Variants in SHANK2 observed in about 807,000 individuals in gnomAD.
The protein encoded by SHANK2 is SH3 and multiple ankyrin repeat domains protein 2.
Under a neutral mutation model 133.7 loss-of-function variants are expected in SHANK2, and 43 were observed. That is an observed-to-expected ratio of 0.32 (90% confidence interval 0.25 to 0.41). The LOEUF is 0.41. Among genes scored for constraint, SHANK2 ranks in the 10% least tolerant of loss-of-function variants. The pLI, the probability that SHANK2 is intolerant of heterozygous loss-of-function variation, is 1.00. For missense variants in SHANK2, 1,994 were observed against 2,235.8 expected (o/e 0.89, Z 2.18); for synonymous variants, 1,017 against 952.8 (o/e 1.07, Z -1.24).
chr11:71,073,532 T>C (rs1951177586), intron 9 of SHANK2, among the ~76,000 whole-genome samples: 1 of 151,876 alleles, frequency 6.6e-6, no homozygotes, highest in Non-Finnish European at 1.5e-5. Context: ...AGTGGCATGA[T>C]CTTGGCTTGT....
intron 17 of SHANK2, among the ~76,000 whole-genome samples, chr11:70,626,607 C>T (rs1005737603): frequency 2.0e-5 from 3 of 152,208 alleles, no homozygotes; most frequent in African/African-American, 4.8e-5. Flanking sequence ...ATCCCACAAC[C>T]GCCGAGTGGC....
Position 70,586,597 on chromosome 11 carries a change from G to A in SHANK2, c.2061+73231C>T, listed in dbSNP as rs538749842. 5.9e-5 allele frequency among the ~76,000 whole-genome samples: 9 copies of A among 152,346 alleles called. No individual in the cohort carries two copies. In the East Asian group the frequency reaches 9.7e-4, roughly 16 times the overall value. On this transcript the variant is annotated intron_variant, in intron 17 of 25. Transcript: ENST00000601538. Reference sequence around the variant, plus strand: ...CTGGCCAAGGGGCACATGCTGGGACGCAGACTCTCAGTACAGATCGCCAGC... The same window carrying A: ...CTGGCCAAGGGGCACATGCTGGGACACAGACTCTCAGTACAGATCGCCAGC...
intron 1 of SHANK2, among the ~76,000 whole-genome samples, chr11:71,227,271 AAGAC>A (rs1458979524): frequency 6.6e-6 from 1 of 152,182 alleles, no homozygotes; most frequent in Non-Finnish European, 1.5e-5. Flanking sequence ...TACCAGTTAA[AAGAC>A]AGAGATTGGC....
chr11:70,793,287 A>G (rs1219186226), intron 14 of SHANK2, among the ~76,000 whole-genome samples: 1 of 152,226 alleles, frequency 6.6e-6, no homozygotes, highest in Non-Finnish European at 1.5e-5. Context: ...CTGACTTCAC[A>G]TACACAGGTT....
intron 17 of SHANK2, among the ~76,000 whole-genome samples, chr11:70,549,883 C>T (rs1343803062): frequency 2.6e-5 from 4 of 152,350 alleles, no homozygotes; most frequent in East Asian, 3.9e-4. Context: ...AAAGACACAG[C>T]GAAGCTCCGG....
intron 11 of SHANK2, among the ~76,000 whole-genome samples, chr11:70,880,707 A>G (rs1454024139): frequency 3.9e-5 from 6 of 152,190 alleles, no homozygotes; most frequent in African/African-American, 1.4e-4. Context: ...GTCTGCTCCC[A>G]TCAGTCTGTG....
At chr11:70,531,390 C>T (rs1197763878) in intron 17 of SHANK2, among the ~76,000 whole-genome samples, 4 of 152,310 alleles carry the variant, frequency 2.6e-5, no homozygotes, top group East Asian at 1.9e-4. Context: ...TGCACCCACG[C>T]GCCCGGGGGC....
intron 10 of SHANK2, among the ~76,000 whole-genome samples, chr11:70,935,087 C>CA (rs1392331577): frequency 1.2e-3 from 180 of 151,484 alleles, no homozygotes; most frequent in African/African-American, 3.1e-3. Context: ...AAATATGAAA[C>CA]AAAAAAAAAT....
At chr11:70,526,313 G>A (rs2059395419) in intron 17 of SHANK2, among the ~76,000 whole-genome samples, 1 of 152,232 alleles carries the variant, frequency 6.6e-6, no homozygotes, top group Non-Finnish European at 1.5e-5. Flanking sequence ...AACCACAGCT[G>A]TGACTGGACA....
At chr11:70,878,216 T>A (rs1039797457) in intron 11 of SHANK2, among the ~76,000 whole-genome samples, 10 of 152,150 alleles carry the variant, frequency 6.6e-5, no homozygotes, top group Admixed American at 5.2e-4. Flanking sequence ...TCCCTCCTGC[T>A]GAGCTGGGAT....
chr11:71,204,821 G>C (rs1954096082), intron 2 of SHANK2, among the ~76,000 whole-genome samples: 1 of 152,174 alleles, frequency 6.6e-6, no homozygotes, highest in Non-Finnish European at 1.5e-5. Flanking sequence ...GGAGGCAGGG[G>C]TTCGGAGCAC....
intron 14 of SHANK2, among the ~76,000 whole-genome samples, chr11:70,781,878 A>G (rs1424341455): frequency 6.6e-6 from 1 of 151,536 alleles, no homozygotes; most frequent in Non-Finnish European, 1.5e-5. Context: ...TCCAACAATG[A>G]TAGACTGGGT....
intron 11 of SHANK2, among the ~76,000 whole-genome samples, chr11:70,837,070 T>A (rs1948829877): frequency 6.6e-6 from 1 of 152,128 alleles, no homozygotes; most frequent in African/African-American, 2.4e-5. Context: ...CCAATTAAGA[T>A]CCAATCAAGG....
intron 24 of SHANK2, 51 bp downstream of exon 24, chr11:70,489,277 T>A: frequency 6.4e-7 from 1 of 1,571,500 alleles, no homozygotes; most frequent in Non-Finnish European, 8.8e-7. Flanking sequence ...CCTTATAAAG[T>A]AAACTGGGTT....
chr11:70,698,685 T>C lies in SHANK2; in HGVS notation c.1853+3A>G, dbSNP rs2134486357. 1.4e-6 allele frequency: 1 copy of C among 718,636 alleles called. No individual in the cohort carries two copies. The highest frequency in any genetic ancestry group is 2.6e-6 in the Non-Finnish European group (1 of 385,092). 44.5% of individuals were successfully genotyped at this position (718,636 alleles called of 1,614,324 possible). A position where few individuals can be genotyped will look rare whatever the true frequency, so the allele number is the denominator to read the frequency against. On this transcript the variant is annotated splice_donor_region_variant and intron_variant, in intron 15 of 25. Coordinates refer to ENST00000601538, the MANE Select transcript of SHANK2 (RefSeq NM_012309.5). Reference sequence around the variant, plus strand: ...TCCTGGAAGAGAAAGCAGCGCGTCTTACCTGGAAGTGTCGAAGCTGTCATA... The same window carrying C: ...TCCTGGAAGAGAAAGCAGCGCGTCTCACCTGGAAGTGTCGAAGCTGTCATA...
chr11:70,662,791 C>T lies in SHANK2; in HGVS notation c.1854-1113G>A, dbSNP rs527806821. On this transcript the variant is annotated intron_variant, in intron 15 of 25. Transcript: ENST00000601538. Reference sequence around the variant, plus strand: ...CTGGCACTCGCCACATGACATCCAGCCCCCGAGGCACCCAGAGTGTGTGGG... The same window carrying T: ...CTGGCACTCGCCACATGACATCCAGTCCCCGAGGCACCCAGAGTGTGTGGG... Among the ~76,000 whole-genome samples, 4 of 152,280 alleles carry T rather than the reference C, an allele frequency of 2.6e-5. No individual in the cohort carries two copies. In the South Asian group the frequency reaches 8.3e-4, roughly 32 times the overall value.
At chr11:71,097,384 C>A (rs1447894606) in intron 6 of SHANK2, among the ~76,000 whole-genome samples, 1 of 152,176 alleles carries the variant, frequency 6.6e-6, no homozygotes, top group African/African-American at 2.4e-5. Flanking sequence ...TATCACTCCC[C>A]TGATGAGCAT....
At chr11:70,764,294 C>A (rs369552441) in intron 14 of SHANK2, among the ~76,000 whole-genome samples, 3 of 149,436 alleles carry the variant, frequency 2.0e-5, no homozygotes, top group African/African-American at 7.4e-5. Flanking sequence ...TCCATTCACA[C>A]ATCATTCCAT....
chr11:70,913,018 C>T (rs6592864), intron 10 of SHANK2, among the ~76,000 whole-genome samples: 49,200 of 151,088 alleles, frequency 0.33, 10,684 homozygotes, highest in African/African-American at 0.62. Flanking sequence ...AACTGAACTA[C>T]AGATTCTAAG....
Sources: allele counts gnomAD v4.1 joint callset (sites outside exome capture counted in the v4.1 genomes callset), GRCh38; gene constraint gnomAD v4.1.1; transcripts MANE v1.5; gene names NCBI Gene and HGNC (gene_info 2026-07-23, HGNC 2026-07-21).